The following BNC2 variants were observed in gnomAD, a reference collection of about 807,000 sequenced individuals.
BNC2 encodes the protein zinc finger protein basonuclin-2.
BNC2 carries 20 observed loss-of-function variants against 76.3 expected under a neutral mutation model. The ratio of observed to expected loss-of-function variants is 0.26; its 90% CI spans 0.18 to 0.38. BNC2 has a LOEUF of 0.38. Ranked by LOEUF, BNC2 falls within the 10% of genes least tolerant of loss-of-function variation. The pLI is 1.00. For missense variants in BNC2, 1,382 were observed against 1,399.8 expected, an observed-to-expected ratio of 0.99 and a Z score of 0.20; for synonymous variants, 582 against 514.8, an observed-to-expected ratio of 1.13 and a Z score of -1.77.
intron 5 of BNC2, among the ~76,000 whole-genome samples, chr9:16,467,635 G>T (rs1166908707): frequency 2.1e-5 from 3 of 142,944 alleles, no homozygotes; most frequent in Non-Finnish European, 3.0e-5. Flanking sequence ...TGAACAATGA[G>T]ATCACATGGA....
intron 1 of BNC2, among the ~76,000 whole-genome samples, chr9:16,804,086 A>G (rs1817847384): frequency 6.6e-6 from 1 of 152,256 alleles, no homozygotes; most frequent in Non-Finnish European, 1.5e-5. Flanking sequence ...GCTAAAGAAA[A>G]TGATGTACAG....
chr9:16,533,210 T>C (rs1411497066), intron 5 of BNC2, among the ~76,000 whole-genome samples: 1 of 152,178 alleles, frequency 6.6e-6, no homozygotes, highest in Non-Finnish European at 1.5e-5. Flanking sequence ...TTTCTGGATA[T>C]GAAAAACATT....
intron 5 of BNC2, among the ~76,000 whole-genome samples, chr9:16,528,742 T>C (rs559363402): frequency 2.0e-5 from 3 of 152,298 alleles, no homozygotes; most frequent in African/African-American, 7.2e-5. Flanking sequence ...AACCCAACTG[T>C]CTTTAAATAA....
At position 16,417,534 on chromosome 9, in the gene BNC2, C is replaced by G. The variant is rs907166804; in HGVS notation, c.*1455G>C. 3.3e-5 allele frequency: 5 copies of G among 152,214 alleles called. No homozygotes were observed. Among genetic ancestry groups the G allele is most frequent in the African/African-American group, 1.2e-4 (5 of 41,440 alleles). The allele number at this position is 152,214 out of a possible 1,614,324, so 9.4% of individuals were successfully genotyped here. Reference sequence around the variant, plus strand: ...CACATGTTTTCAAAGCTTCCAAGTACTGCTGCTGTTAAATGCCTTTTGATT... The same window carrying G: ...CACATGTTTTCAAAGCTTCCAAGTAGTGCTGCTGTTAAATGCCTTTTGATT... On this transcript the variant is annotated 3_prime_UTR_variant, in exon 7 of 7. Transcript: ENST00000380672.
intron 1 of BNC2, among the ~76,000 whole-genome samples, chr9:16,740,006 C>T (rs1234172595): frequency 6.6e-6 from 1 of 152,114 alleles, no homozygotes; most frequent in Non-Finnish European, 1.5e-5. Flanking sequence ...CTACACAGAC[C>T]TGAAACAAGA....
intron 3 of BNC2, among the ~76,000 whole-genome samples, chr9:16,694,083 G>C (rs1823263843): frequency 6.6e-6 from 1 of 152,070 alleles, no homozygotes; most frequent in African/African-American, 2.4e-5. Flanking sequence ...TTAGAAAAGA[G>C]TTTACTTAGG....
chr9:16,803,987 C>A (rs1416804836), intron 1 of BNC2, among the ~76,000 whole-genome samples: 1 of 152,152 alleles, frequency 6.6e-6, no homozygotes, highest in East Asian at 1.9e-4. Context: ...TTTACCCAGG[C>A]TAACAGTTTT....
At chr9:16,654,463 T>A (rs1821873342) in intron 3 of BNC2, among the ~76,000 whole-genome samples, 2 of 152,094 alleles carry the variant, frequency 1.3e-5, no homozygotes. Flanking sequence ...TATTTGCGCA[T>A]GCAGGTCCCA....
intron 1 of BNC2, among the ~76,000 whole-genome samples, chr9:16,768,984 A>T (rs1376878018): frequency 1.3e-5 from 2 of 152,266 alleles, no homozygotes; most frequent in Middle Eastern, 3.4e-3. Context: ...AGAAGTAGGT[A>T]GGGGGCGGAA....
At chr9:16,520,616 T>C (rs942269447) in intron 5 of BNC2, among the ~76,000 whole-genome samples, 1 of 151,958 alleles carries the variant, frequency 6.6e-6, no homozygotes, top group Admixed American at 6.6e-5. Flanking sequence ...CATAAGAGAG[T>C]GTAGACCAAG....
intron 1 of BNC2, among the ~76,000 whole-genome samples, chr9:16,788,620 T>G (rs1367238081): frequency 4.0e-5 from 6 of 151,026 alleles, no homozygotes; most frequent in Non-Finnish European, 8.8e-5. Context: ...CAGTCTACAG[T>G]CCAAGGCAAG....
In BNC2 at chr9:16,758,657, T is replaced by C. The variant is rs150046925; in HGVS notation, c.4-20172A>G. 2.1e-3 allele frequency among the ~76,000 whole-genome samples: 313 copies of C among 152,284 alleles called. 7 individuals carry two copies. The East Asian group carries it at 0.052, about 25-fold the overall frequency. On this transcript the variant is annotated intron_variant, in intron 1 of 6. Transcript: ENST00000380672. ...AGTCCCATTTCTTATGTAAGATATATATTCACAAGTTCTTAAAAGTTGGTC... is the reference window on the plus strand; with the variant it reads ...AGTCCCATTTCTTATGTAAGATATACATTCACAAGTTCTTAAAAGTTGGTC...
At chr9:16,785,818 A>AG (rs1409605838) in intron 1 of BNC2, among the ~76,000 whole-genome samples, 1 of 151,814 alleles carries the variant, frequency 6.6e-6, no homozygotes, top group African/African-American at 2.4e-5. Context: ...AAAAAAAAAA[A>AG]AAAGTATGCA....
chr9:16,751,259 A>C (rs1205510704), intron 1 of BNC2, among the ~76,000 whole-genome samples: 2 of 117,654 alleles, frequency 1.7e-5, no homozygotes, highest in Non-Finnish European at 2.2e-5. Context: ...TTGCATTGAA[A>C]ATGGTTTAAA....
chr9:16,709,994 G>A (rs1254890918), intron 3 of BNC2, among the ~76,000 whole-genome samples: 1 of 152,070 alleles, frequency 6.6e-6, no homozygotes, highest in Admixed American at 6.5e-5. Flanking sequence ...TAAACTGGAG[G>A]CATTCTTATT....
intron 5 of BNC2, among the ~76,000 whole-genome samples, chr9:16,496,413 A>G (rs1822390575): frequency 6.6e-6 from 1 of 152,218 alleles, no homozygotes; most frequent in Non-Finnish European, 1.5e-5. Flanking sequence ...GGATTGGACT[A>G]TTAAAAATAG....
intron 3 of BNC2, among the ~76,000 whole-genome samples, chr9:16,604,049 A>G (rs1403117582): frequency 6.6e-6 from 1 of 152,194 alleles, no homozygotes; most frequent in East Asian, 1.9e-4. Context: ...AAATAATAAT[A>G]AAAGTCTAAA....
intron 1 of BNC2, among the ~76,000 whole-genome samples, chr9:16,797,613 C>G (rs1002129742): frequency 6.6e-6 from 1 of 152,148 alleles, no homozygotes; most frequent in Admixed American, 6.6e-5. Context: ...GAGTGTCACA[C>G]AAGTCCAAAA....
intron 3 of BNC2, among the ~76,000 whole-genome samples, chr9:16,684,385 T>C (rs77962191): frequency 0.028 from 4,216 of 152,226 alleles, 69 homozygotes; most frequent in South Asian, 0.08. Context: ...ATCACAGACA[T>C]ACACCACCCA....
Sources: allele counts gnomAD v4.1 joint callset (sites outside exome capture counted in the v4.1 genomes callset), GRCh38; gene constraint gnomAD v4.1.1; transcripts MANE v1.5; gene names NCBI Gene and HGNC (gene_info 2026-07-23, HGNC 2026-07-21).